The following PACS1 variants were observed in gnomAD, a reference collection of about 807,000 sequenced individuals.
PACS1 encodes the protein PACS-1.
In PACS1, 24 loss-of-function variants were observed where a neutral mutation model predicts 115.0. The ratio of observed to expected loss-of-function variants is 0.21; its 90% CI spans 0.15 to 0.29. The LOEUF (loss-of-function observed/expected upper bound fraction) is 0.29. Ranked by LOEUF, PACS1 falls within the 10% of genes least tolerant of loss-of-function variation. The pLI, the probability that PACS1 is intolerant of heterozygous loss-of-function variation, is 1.00. For missense variants in PACS1, 838 were observed against 1,251.2 expected (o/e 0.67, Z 4.98); for synonymous variants, 453 against 504.5 (o/e 0.90, Z 1.37).
chr11:66,115,254 A>G (rs982122573), intron 1 of PACS1, among the ~76,000 whole-genome samples: 2 of 151,972 alleles, frequency 1.3e-5, no homozygotes, highest in Non-Finnish European at 2.9e-5. Flanking sequence ...TTTGGTTGTA[A>G]CATGATCAGC....
chr11:66,146,001 G>A (rs927226053), intron 1 of PACS1, among the ~76,000 whole-genome samples: 15 of 152,124 alleles, frequency 9.9e-5, no homozygotes, highest in African/African-American at 1.4e-4. Flanking sequence ...AATAACACAC[G>A]TGAAAAATTA....
At chr11:66,155,426 G>A (rs1023767239) in intron 1 of PACS1, among the ~76,000 whole-genome samples, 2 of 152,242 alleles carry the variant, frequency 1.3e-5, no homozygotes, top group Admixed American at 6.5e-5. Flanking sequence ...TTTTTTAAAT[G>A]CACAAAAGAT....
intron 1 of PACS1, among the ~76,000 whole-genome samples, chr11:66,189,645 A>T (rs1368102659): frequency 6.6e-6 from 1 of 152,184 alleles, no homozygotes; most frequent in African/African-American, 2.4e-5. Flanking sequence ...GGCAGTGTTG[A>T]TGAGTGAAGA....
At chr11:66,078,736 C>T (rs1857433854) in intron 1 of PACS1, among the ~76,000 whole-genome samples, 1 of 152,038 alleles carries the variant, frequency 6.6e-6, no homozygotes, top group African/African-American at 2.4e-5. Context: ...TAATTTTTTG[C>T]AGAGACAAGG....
chr11:66,084,996 C>T (rs1461895532), intron 1 of PACS1, among the ~76,000 whole-genome samples: 1 of 152,154 alleles, frequency 6.6e-6, no homozygotes, highest in Non-Finnish European at 1.5e-5. Flanking sequence ...CTCAATATCC[C>T]TAATTACTCT....
chr11:66,186,703 C>T (rs1212135835), intron 1 of PACS1, among the ~76,000 whole-genome samples: 2 of 152,216 alleles, frequency 1.3e-5, no homozygotes, highest in South Asian at 2.1e-4. Flanking sequence ...GACAGAGTAA[C>T]GTGACAGAGC....
intron 16 of PACS1, 71 bp from the exon 17 acceptor site, chr11:66,234,061 G>A: frequency 6.6e-7 from 1 of 1,520,814 alleles, no homozygotes; most frequent in East Asian, 2.3e-5. Context: ...CAAGGCCGTG[G>A]CCAGGGACAG....
chr11:66,229,007 G>T (rs979404023), intron 11 of PACS1, among the ~76,000 whole-genome samples: 1 of 151,918 alleles, frequency 6.6e-6, no homozygotes, highest in African/African-American at 2.4e-5. Flanking sequence ...AGTGGGCCCA[G>T]GGAGGAGGCA....
At chr11:66,115,890 T>G (rs548016549) in intron 1 of PACS1, among the ~76,000 whole-genome samples, 3 of 152,306 alleles carry the variant, frequency 2.0e-5, no homozygotes, top group Non-Finnish European at 4.4e-5. Context: ...TCTCTGGCGG[T>G]TTCAGTTATC....
chr11:66,162,097 T>G (rs1859499293), intron 1 of PACS1, among the ~76,000 whole-genome samples: 1 of 148,938 alleles, frequency 6.7e-6, no homozygotes, highest in Non-Finnish European at 1.5e-5. Flanking sequence ...ATGTTTTCTG[T>G]TGGTGGTGGT....
intron 1 of PACS1, among the ~76,000 whole-genome samples, chr11:66,124,680 T>G (rs1290384620): frequency 6.6e-6 from 1 of 152,230 alleles, no homozygotes; most frequent in Non-Finnish European, 1.5e-5. Context: ...CATTACTGCA[T>G]AAGTCTCATG....
At chr11:66,148,426 T>G (rs984296613) in intron 1 of PACS1, among the ~76,000 whole-genome samples, 1 of 152,190 alleles carries the variant, frequency 6.6e-6, no homozygotes, top group Non-Finnish European at 1.5e-5. Context: ...GCATTACAGG[T>G]GTGAGCACCA....
At chr11:66,131,170 A>T (rs1370879744) in intron 1 of PACS1, among the ~76,000 whole-genome samples, 1 of 152,252 alleles carries the variant, frequency 6.6e-6, no homozygotes, top group African/African-American at 2.4e-5. Flanking sequence ...ACCAACAAGT[A>T]TCATTGTTGG....
chr11:66,230,975 C>T (rs767155476), intron 13 of PACS1, 35 bp downstream of exon 13: 3 of 1,612,288 alleles, frequency 1.9e-6, no homozygotes, highest in Admixed American at 3.3e-5. Flanking sequence ...CCAGGACCCT[C>T]TGAGATTCCC....
rs1855064190 is a variant in PACS1, at chr11:66,211,248, A to G, written c.649A>G (p.Asn217Asp). The G allele has an allele frequency of 5.0e-6, 8 of 1,613,514 alleles. No individual in the cohort carries two copies. The highest frequency in any genetic ancestry group is 1.1e-5 in the South Asian group (1 of 91,080). The change falls in exon 4 of 24, where the codon AAC (asparagine) becomes GAC (aspartate). Residue 217 changes from asparagine (N) to aspartate (D), a missense_variant. Asn to Asp is a conservative substitution (Grantham distance 23). Transcript: ENST00000320580. The stretch of plus-strand genomic sequence containing the variant: ...TAAGACCTTGGCCGTGGGACTCATC[A>G]ACATGGCAGAGGTGAGAGGAACACA... ...GYKTLAVGLI[N>D]MAEVMQHPNE...
Position 66,230,885 on chromosome 11 carries a change from A to G in PACS1, c.1571A>G (p.Glu524Gly). The stretch of plus-strand genomic sequence containing the variant: ...CGGCAGCTCTCCAAGCCCCTAAGTG[A>G]GAGGACCAACAGTTCCGACAGCGAG... ...KERQLSKPLS[E>G]RTNSSDSERS... Residue 524 changes from glutamate to glycine, a missense_variant, in exon 13 of 24, where the codon GAG (glutamate) becomes GGG (glycine). By Grantham distance (98) the Glu-to-Gly change is moderately conservative. Around this residue, in one of 6 missense-constraint regions of PACS1, gnomAD observed 383 missense variants for 537.0 expected, o/e 0.71. Transcript: ENST00000320580. The G allele has an allele frequency of 6.2e-7, 1 of 1,614,222 alleles. No homozygotes were observed. Among genetic ancestry groups the G allele is most frequent in the Non-Finnish European group, 8.5e-7 (1 of 1,180,030 alleles).
At chr11:66,221,329 A>G in intron 10 of PACS1, 82 bp downstream of exon 10, 1 of 1,203,862 alleles carries the variant, frequency 8.3e-7, no homozygotes, top group Non-Finnish European at 1.2e-6. Context: ...ATCTCTGATC[A>G]GGGCTCATGT....
chr11:66,184,571 C>T (rs1860079563), intron 1 of PACS1, among the ~76,000 whole-genome samples: 2 of 152,204 alleles, frequency 1.3e-5, no homozygotes, highest in Admixed American at 6.5e-5. Context: ...ATCAAGTAGA[C>T]AGCCTTATTC....
intron 1 of PACS1, among the ~76,000 whole-genome samples, chr11:66,189,430 ATGTTTTTTCCTCCTAAC>A (rs1854465227): frequency 6.6e-6 from 1 of 152,172 alleles, no homozygotes; most frequent in African/African-American, 2.4e-5. Context: ...TTGGTCTGTG[ATGTTTTTTCCTCCTAAC>A]ATAATTCTGC....
Sources: allele counts gnomAD v4.1 joint callset (sites outside exome capture counted in the v4.1 genomes callset), GRCh38; gene constraint gnomAD v4.1.1; regional missense constraint gnomAD v4.1.1; transcripts MANE v1.5; gene names NCBI Gene and HGNC (gene_info 2026-07-23, HGNC 2026-07-21).